SOX6: variants seen among roughly 807,000 people sequenced by gnomAD.
SOX6 encodes the protein transcription factor SOX-6.
A neutral mutation model predicts 97.8 loss-of-function variants in SOX6; 11 were observed. The observed-to-expected ratio is 0.11, with a 90% CI of 0.07 to 0.19. SOX6 has a LOEUF of 0.19. Among genes scored for constraint, SOX6 ranks in the 10% least tolerant of loss-of-function variants. The pLI is 1.00. For missense variants in SOX6, 810 were observed against 1,039.5 expected (o/e 0.78, Z 3.04); for synonymous variants, 360 against 371.4 (o/e 0.97, Z 0.35).
chr11:16,600,010 T>C (rs1278085547), intron 4 of SOX6, among the ~76,000 whole-genome samples: 1 of 152,224 alleles, frequency 6.6e-6, no homozygotes, highest in Non-Finnish European at 1.5e-5. Context: ...CTACTTTGAA[T>C]GGTTTGGATG....
chr11:16,412,492 G>T (rs1004888741), intron 1 of SOX6, among the ~76,000 whole-genome samples: 22 of 152,172 alleles, frequency 1.4e-4, no homozygotes, highest in Non-Finnish European at 7.4e-5. Flanking sequence ...TAATTTGTCG[G>T]TTGGGCACTA....
At chr11:16,402,710 CTG>C (rs768480040) in intron 1 of SOX6, 5 of 1,610,798 alleles carry the variant, frequency 3.1e-6, no homozygotes, top group South Asian at 1.1e-5. Context: ...CCTGACTAAA[CTG>C]TAGGTATTTG....
intron 4 of SOX6, among the ~76,000 whole-genome samples, chr11:16,548,554 T>A (rs895288729): frequency 9.9e-5 from 15 of 152,158 alleles, no homozygotes; most frequent in African/African-American, 3.4e-4. Context: ...TTTCTGGCCT[T>A]GGCTTAGGTA....
In SOX6 at chr11:16,199,341, T is replaced by C. The variant is rs149732273; in HGVS notation, c.536-12386A>G. Among the ~76,000 whole-genome samples, 735 of 152,294 alleles carry C rather than the reference T, an allele frequency of 4.8e-3. 3 individuals are homozygous for C. The highest frequency in any genetic ancestry group is 0.017 in the African/African-American group (703 of 41,562). The stretch of plus-strand genomic sequence containing the variant: ...AGCACAAATGATCGTCCAAACACTT[T>C]CTATGTGCTAGGATTAGCATTTCGC... On this transcript the variant is annotated intron_variant, in intron 4 of 15. Coordinates refer to ENST00000683767, the MANE Select transcript of SOX6 (RefSeq NM_001367873.1).
chr11:16,734,091 T>C (rs534528012), intron 2 of SOX6, among the ~76,000 whole-genome samples: 1 of 150,734 alleles, frequency 6.6e-6, no homozygotes, highest in East Asian at 2.0e-4. Context: ...TTTTAAGCAA[T>C]ACATTTTTCA....
intron 4 of SOX6, among the ~76,000 whole-genome samples, chr11:16,195,760 T>TGGCATTCTCC: frequency 6.6e-6 from 1 of 152,312 alleles, no homozygotes; most frequent in South Asian, 2.1e-4. Context: ...CGACATTCTC[T>TGGCATTCTCC]GGCATTCTCC....
At position 16,613,491 on chromosome 11, in the gene SOX6, C is replaced by T. The variant is rs1215274074; in HGVS notation, n.430-1231G>A. Among the ~76,000 whole-genome samples, 1 of 152,040 alleles carries T rather than the reference C, an allele frequency of 6.6e-6. No individual in the cohort carries two copies. Among genetic ancestry groups the T allele is most frequent in the Non-Finnish European group, 1.5e-5 (1 of 67,998 alleles). ...TCTCGGTGCAGAGTGGTTCCGAAGC[C>T]CCAGCCCGCTGGGTCGCTCGGCCTG... On this transcript the variant is annotated intron_variant and non_coding_transcript_variant, in intron 3 of 5. Coordinates refer to the SOX6 transcript ENST00000524520. The surrounding 1 kb of genome is among the most constrained non-coding windows in gnomAD (Gnocchi z 4.6).
At chr11:16,389,969 TAAAAAAAAAAAAA>T (rs536056301) in intron 1 of SOX6, among the ~76,000 whole-genome samples, 11 of 41,856 alleles carry the variant, frequency 2.6e-4, no homozygotes, top group South Asian at 3.7e-3. Context: ...GACTCCGTCT[TAAAAAAAAAAAAA>T]AAAAAAAAAA....
chr11:16,604,504 G>A (rs1206988562), intron 4 of SOX6, among the ~76,000 whole-genome samples: 1 of 152,200 alleles, frequency 6.6e-6, no homozygotes, highest in African/African-American at 2.4e-5. Flanking sequence ...CAGGGCCAAA[G>A]CCCGGCCGCA....
At chr11:16,617,420 C>T (rs184278767) in intron 3 of SOX6, among the ~76,000 whole-genome samples, 37 of 151,906 alleles carry the variant, frequency 2.4e-4, no homozygotes, top group Admixed American at 2.6e-4. Context: ...TGTTATCAAC[C>T]TACTTTCAAA....
chr11:16,737,766 C>A (rs1295135664), intron 1 of SOX6, among the ~76,000 whole-genome samples: 3 of 151,946 alleles, frequency 2.0e-5, no homozygotes, highest in Non-Finnish European at 4.4e-5. Context: ...CATTGGGGTT[C>A]CTTTTGGAGT....
intron 4 of SOX6, among the ~76,000 whole-genome samples, chr11:16,194,472 A>G (rs1278581219): frequency 6.6e-6 from 1 of 152,210 alleles, no homozygotes; most frequent in East Asian, 1.9e-4. Flanking sequence ...TCACTTAGGG[A>G]CCACTTCACA....
intron 3 of SOX6, among the ~76,000 whole-genome samples, chr11:16,241,462 A>T (rs1241232165): frequency 6.6e-6 from 1 of 152,014 alleles, no homozygotes; most frequent in East Asian, 1.9e-4. Context: ...TGGGTTCTAC[A>T]ACTATTTGTT....
intron 3 of SOX6, among the ~76,000 whole-genome samples, chr11:16,282,427 T>C (rs1055967054): frequency 5.3e-5 from 8 of 151,638 alleles, no homozygotes; most frequent in Admixed American, 3.9e-4. Flanking sequence ...TTTACAAGTT[T>C]AATTATTGGA....
intron 6 of SOX6, among the ~76,000 whole-genome samples, chr11:16,146,191 A>T (rs1850289204): frequency 6.6e-6 from 1 of 152,194 alleles, no homozygotes; most frequent in Admixed American, 6.5e-5. Context: ...CCTCAGAAAT[A>T]ATACCACACA....
chr11:16,576,721 C>T (rs1299009120), intron 4 of SOX6: 5 of 152,104 alleles, frequency 3.3e-5, no homozygotes, highest in Admixed American at 1.3e-4. Flanking sequence ...ATATAGTTCA[C>T]GTCTCCTTAC....
rs1853147122 is a variant in SOX6, at chr11:15,966,567, G to T, written c.*6242C>A. ...TGAGGTAAATGAGCATAAATAGGCA[G>T]TTCTTATAGACACTCCCCTAAGGGG... On this transcript the variant is annotated 3_prime_UTR_variant, in exon 16 of 16. Transcript: ENST00000683767. The T allele has an allele frequency of 6.6e-6, 1 of 152,198 alleles. No individual in the cohort carries two copies. Among genetic ancestry groups the T allele is most frequent in the African/African-American group, 2.4e-5 (1 of 41,446 alleles). 9.4% of individuals were successfully genotyped at this position (152,198 alleles called of 1,614,324 possible).
intron 1 of SOX6, among the ~76,000 whole-genome samples, chr11:16,430,631 G>A (rs530428283): frequency 9.2e-5 from 14 of 152,214 alleles, no homozygotes; most frequent in African/African-American, 2.4e-4. Flanking sequence ...GGAAGTGGGC[G>A]CTCACCAGAC....
At chr11:16,649,007 A>G (rs1054213098) in intron 3 of SOX6, among the ~76,000 whole-genome samples, 5 of 152,154 alleles carry the variant, frequency 3.3e-5, no homozygotes. Context: ...TAGAACAAGT[A>G]GAAGAAAGAA....
Sources: gnomAD v4.1 joint callset for allele counts (sites outside exome capture counted in the v4.1 genomes callset) on GRCh38, gnomAD v4.1.1 for gene constraint, Gnocchi (gnomAD v3.1) non-coding constraint, MANE v1.5 for transcripts, NCBI Gene and HGNC (gene_info 2026-07-23, HGNC 2026-07-21) for gene names.